Variants in KCNH5 observed in about 807,000 individuals in gnomAD.
The protein encoded by KCNH5 is potassium voltage-gated channel subfamily H member 5.
In KCNH5, 46 loss-of-function variants were observed where a neutral mutation model predicts 96.1. The ratio of observed to expected loss-of-function variants is 0.48; its 90% CI spans 0.38 to 0.61. The LOEUF is 0.61. Among genes scored for constraint, KCNH5 ranks in the 20% least tolerant of loss-of-function variants. KCNH5 has a pLI of 0.00. For missense variants in KCNH5, 907 were observed against 1,225.8 expected (o/e 0.74, Z 3.88); for synonymous variants, 439 against 449.8 (o/e 0.98, Z 0.30).
chr14:62,708,699 T>C (rs766162141), intron 10 of KCNH5, among the ~76,000 whole-genome samples: 113 of 152,182 alleles, frequency 7.4e-4, no homozygotes, highest in Admixed American at 1.6e-3. Context: ...TCTAGTCCCC[T>C]ACATATCAGA....
intron 3 of KCNH5, 101 bp downstream of exon 3, chr14:63,006,265 C>G: frequency 1.8e-6 from 1 of 559,738 alleles, no homozygotes; most frequent in African/African-American, 1.9e-5. Flanking sequence ...AAAGAAGCAA[C>G]AGAAGGTTTA....
chr14:62,982,189 C>T (rs1890622184), intron 5 of KCNH5, among the ~76,000 whole-genome samples: 1 of 152,084 alleles, frequency 6.6e-6, no homozygotes, highest in Non-Finnish European at 1.5e-5. Flanking sequence ...ATTAGATGGG[C>T]GTGGTGGTGC....
intron 7 of KCNH5, among the ~76,000 whole-genome samples, chr14:62,941,524 C>T (rs1478144831): frequency 5.3e-5 from 8 of 151,892 alleles, no homozygotes; most frequent in Admixed American, 3.3e-4. Flanking sequence ...TTTTCTCATG[C>T]GAAACTCAGC....
intron 10 of KCNH5, among the ~76,000 whole-genome samples, chr14:62,771,414 C>A (rs934464772): frequency 8.5e-5 from 13 of 152,198 alleles, no homozygotes; most frequent in African/African-American, 3.1e-4. Flanking sequence ...ATCACAAGGT[C>A]AGGAGATCAA....
chr14:63,017,774 A>G (rs539583065), intron 1 of KCNH5, among the ~76,000 whole-genome samples: 1 of 151,714 alleles, frequency 6.6e-6, no homozygotes, highest in African/African-American at 2.4e-5. Context: ...AAAATTTTTA[A>G]AGCAATAATA....
At chr14:62,847,920 C>A (rs1887731118) in intron 8 of KCNH5, among the ~76,000 whole-genome samples, 1 of 152,214 alleles carries the variant, frequency 6.6e-6, no homozygotes, top group Non-Finnish European at 1.5e-5. Flanking sequence ...CTAACTCCAT[C>A]TTGAATCAGA....
At chr14:62,830,638 CGATCCAG>C (rs112579397) in intron 8 of KCNH5, among the ~76,000 whole-genome samples, 16,304 of 151,962 alleles carry the variant, frequency 0.11, 1,073 homozygotes, top group East Asian at 0.29. Flanking sequence ...AACCACCCCC[CGATCCAG>C]GATCCAGTCA....
intron 6 of KCNH5, among the ~76,000 whole-genome samples, chr14:62,970,780 T>C (rs1890392090): frequency 6.6e-6 from 1 of 152,012 alleles, no homozygotes; most frequent in Non-Finnish European, 1.5e-5. Flanking sequence ...AGATAAATCA[T>C]TTAACAACTC....
intron 6 of KCNH5, among the ~76,000 whole-genome samples, chr14:62,978,151 G>GT (rs1890536808): frequency 6.6e-6 from 1 of 152,178 alleles, no homozygotes; most frequent in Admixed American, 6.5e-5. Context: ...TCTACAGAAA[G>GT]TTTTTTAAAA....
intron 6 of KCNH5, among the ~76,000 whole-genome samples, chr14:62,958,688 A>G (rs1594645767): frequency 6.6e-6 from 1 of 152,040 alleles, no homozygotes; most frequent in Non-Finnish European, 1.5e-5. Context: ...GCTTAGCATC[A>G]CTGTCTCTTC....
chr14:63,005,122 C>G (rs1202853637), intron 3 of KCNH5, among the ~76,000 whole-genome samples: 1 of 152,166 alleles, frequency 6.6e-6, no homozygotes, highest in Admixed American at 6.5e-5. Context: ...GAGGACAGAG[C>G]TGACCATTCA....
chr14:62,962,065 G>A lies in KCNH5; in HGVS notation c.943-11506C>T, dbSNP rs891317725. Among the ~76,000 whole-genome samples the A allele has an allele frequency of 1.2e-4, 18 of 151,896 alleles. 1 individual carries two copies. Among genetic ancestry groups the A allele is most frequent in the African/African-American group, 4.3e-4 (18 of 41,436 alleles). On this transcript the variant is annotated intron_variant, in intron 6 of 10. Coordinates refer to ENST00000322893, the MANE Select transcript of KCNH5 (RefSeq NM_139318.5). ...TGGAGACGGAGATGGAGAGAAGATA[G>A]AGATGGAAATGGAGATGGAGATGGA...
At chr14:62,804,823 A>G (rs766366567) in intron 8 of KCNH5, among the ~76,000 whole-genome samples, 2 of 152,214 alleles carry the variant, frequency 1.3e-5, no homozygotes, top group African/African-American at 4.8e-5. Flanking sequence ...TAGCAAGGGC[A>G]GAGGAAATAC....
chr14:62,974,173 A>G (rs1309376943), intron 6 of KCNH5, among the ~76,000 whole-genome samples: 3 of 152,236 alleles, frequency 2.0e-5, no homozygotes, highest in East Asian at 1.9e-4. Flanking sequence ...AAAGCAATGC[A>G]TGAGTTATCT....
At chr14:62,947,743 C>A (rs1486667363) in intron 7 of KCNH5, among the ~76,000 whole-genome samples, 4 of 147,064 alleles carry the variant, frequency 2.7e-5, no homozygotes, top group African/African-American at 1.1e-4. Flanking sequence ...ACACAAAAAC[C>A]GATGACCATG....
At chr14:62,720,508 G>A (rs916469060) in intron 10 of KCNH5, among the ~76,000 whole-genome samples, 10 of 152,148 alleles carry the variant, frequency 6.6e-5, no homozygotes, top group Admixed American at 2.0e-4. Context: ...GCGTGAACCC[G>A]GGAGGCGGAG....
intron 7 of KCNH5, among the ~76,000 whole-genome samples, chr14:62,876,755 G>A (rs913035938): frequency 6.6e-6 from 1 of 152,130 alleles, no homozygotes; most frequent in East Asian, 1.9e-4. Context: ...ACAGAATAGA[G>A]TCCAGAAATA....
intron 10 of KCNH5, among the ~76,000 whole-genome samples, chr14:62,777,730 C>T (rs532508287): frequency 3.3e-5 from 5 of 152,146 alleles, no homozygotes; most frequent in Non-Finnish European, 7.3e-5. Flanking sequence ...ACAGGCACAG[C>T]GTTTCTGGGT....
At chr14:62,784,171 G>A (rs890369435) in intron 9 of KCNH5, among the ~76,000 whole-genome samples, 5 of 152,112 alleles carry the variant, frequency 3.3e-5, no homozygotes, top group Non-Finnish European at 2.9e-5. Context: ...CGTCTTACAC[G>A]GTGGCAGGCA....
Sources: allele counts gnomAD v4.1 joint callset (sites outside exome capture counted in the v4.1 genomes callset), GRCh38; gene constraint gnomAD v4.1.1; transcripts MANE v1.5; gene names NCBI Gene and HGNC (gene_info 2026-07-23, HGNC 2026-07-21).